The following EXOC4 variants were observed in gnomAD, a reference collection of about 807,000 sequenced individuals.
EXOC4 encodes SEC8-like 1.
EXOC4 carries 71 observed loss-of-function variants against 107.2 expected under a neutral mutation model. That is an observed-to-expected ratio of 0.66 (90% CI 0.55 to 0.81). The LOEUF (loss-of-function observed/expected upper bound fraction) is 0.81. EXOC4 is among the 30% of genes least tolerant of loss of function. EXOC4 has a pLI of 0.00. For missense variants in EXOC4, 1,108 were observed against 1,189.6 expected, an observed-to-expected ratio of 0.93 and a Z score of 1.01; for synonymous variants, 456 against 441.2, an observed-to-expected ratio of 1.03 and a Z score of -0.42.
chr7:133,641,148 A>C (rs369265850), intron 10 of EXOC4, among the ~76,000 whole-genome samples: 1 of 152,224 alleles, frequency 6.6e-6, no homozygotes, highest in African/African-American at 2.4e-5. Flanking sequence ...AGCCATGAGC[A>C]GGTATGGACC....
At chr7:133,843,438 G>T (rs1350070503) in intron 11 of EXOC4, among the ~76,000 whole-genome samples, 1 of 152,106 alleles carries the variant, frequency 6.6e-6, no homozygotes, top group Admixed American at 6.5e-5. Context: ...TATTGTGAAT[G>T]GAATTGCATT....
intron 4 of EXOC4, among the ~76,000 whole-genome samples, chr7:133,314,413 A>G (rs541969621): frequency 6.6e-6 from 1 of 152,282 alleles, no homozygotes; most frequent in South Asian, 2.1e-4. Context: ...GGAAAATTTT[A>G]GAGAGAGAGA....
chr7:133,907,341 T>G (rs1264319621), intron 12 of EXOC4, among the ~76,000 whole-genome samples: 2 of 151,380 alleles, frequency 1.3e-5, no homozygotes, highest in Non-Finnish European at 2.9e-5. Context: ...TAAAATATAT[T>G]ATTTCATTAG....
chr7:133,338,623 ATT>A (rs1164633127), intron 5 of EXOC4, among the ~76,000 whole-genome samples: 1,863 of 96,402 alleles, frequency 0.019, 30 homozygotes, highest in Middle Eastern at 0.035. Context: ...AAAAAAAAAA[ATT>A]TTTATTTCAT....
chr7:133,824,639 C>T (rs2151228677), intron 11 of EXOC4, among the ~76,000 whole-genome samples: 1 of 152,280 alleles, frequency 6.6e-6, no homozygotes, highest in Middle Eastern at 3.4e-3. Context: ...CACAAATGTA[C>T]TCTTGCATAG....
intron 15 of EXOC4, among the ~76,000 whole-genome samples, chr7:134,004,247 A>C (rs1563087851): frequency 6.6e-6 from 1 of 152,204 alleles, no homozygotes; most frequent in African/African-American, 2.4e-5. Context: ...GTTAATAAAT[A>C]TAAGACTAGT....
At chr7:133,447,432 T>C (rs1798245123) in intron 7 of EXOC4, 1 of 152,140 alleles carries the variant, frequency 6.6e-6, no homozygotes, top group Non-Finnish European at 1.5e-5. Context: ...GCATGCTTAT[T>C]ATAGAAAATT....
intron 10 of EXOC4, among the ~76,000 whole-genome samples, chr7:133,691,429 A>C (rs1794416446): frequency 6.6e-6 from 1 of 152,220 alleles, no homozygotes; most frequent in African/African-American, 2.4e-5. Flanking sequence ...CTTGAAGATA[A>C]TACTTTGTAA....
chr7:133,702,771 G>A (rs1244315118), intron 10 of EXOC4, among the ~76,000 whole-genome samples: 5 of 152,112 alleles, frequency 3.3e-5, no homozygotes, highest in Non-Finnish European at 7.3e-5. Flanking sequence ...AACAATTTTT[G>A]TCTTAGAAGT....
chr7:133,842,932 C>T (rs1798051755), intron 11 of EXOC4, among the ~76,000 whole-genome samples: 1 of 152,044 alleles, frequency 6.6e-6, no homozygotes, highest in Non-Finnish European at 1.5e-5. Context: ...CTTCATTGCT[C>T]ATTTTTGTGG....
At chr7:133,684,543 T>C (rs542044920) in intron 10 of EXOC4, among the ~76,000 whole-genome samples, 112 of 152,150 alleles carry the variant, frequency 7.4e-4, no homozygotes, top group Non-Finnish European at 1.2e-3. Flanking sequence ...GTGAAGAAAA[T>C]ATGTTAGAAA....
chr7:133,301,312 A>G (rs1462656376), intron 3 of EXOC4, among the ~76,000 whole-genome samples: 2 of 152,230 alleles, frequency 1.3e-5, no homozygotes, highest in African/African-American at 4.8e-5. Flanking sequence ...TTTATTGAAT[A>G]GTTGAGACTG....
intron 10 of EXOC4, among the ~76,000 whole-genome samples, chr7:133,685,391 G>A (rs888017395): frequency 1.3e-5 from 2 of 152,066 alleles, no homozygotes; most frequent in African/African-American, 4.8e-5. Flanking sequence ...AAGGTGCCTT[G>A]CTTCCCCGTC....
chr7:133,357,530 T>C (rs539049134), intron 6 of EXOC4, among the ~76,000 whole-genome samples: 1 of 152,142 alleles, frequency 6.6e-6, no homozygotes, highest in Non-Finnish European at 1.5e-5. Flanking sequence ...TGAATTCAGA[T>C]TCTAACTTTG....
At chr7:134,078,937 C>CT in the EXOC4 span, among the ~76,000 whole-genome samples, 1 of 152,198 alleles carries the variant, frequency 6.6e-6, no homozygotes, top group Non-Finnish European at 1.5e-5. Context: ...TGCTTACACA[C>CT]TGTTCCAGAC....
intron 14 of EXOC4, among the ~76,000 whole-genome samples, chr7:133,969,457 T>A (rs1198330309): frequency 2.0e-5 from 3 of 152,184 alleles, no homozygotes; most frequent in Non-Finnish European, 4.4e-5. Flanking sequence ...TGTGTGCTGG[T>A]TTTTCCTCAT....
In EXOC4 at chr7:133,800,403, A is replaced by T. The variant is rs563691513; in HGVS notation, c.1515-16922A>T. Among the ~76,000 whole-genome samples, 13 of 152,284 alleles carry T rather than the reference A, an allele frequency of 8.5e-5. No individual in the cohort carries two copies. The South Asian group carries it at 2.7e-3, about 32-fold the overall frequency. ...TAGAGAATTAGTTGACCAAAAATAA[A>T]GGGAGTCGTTCTATTTCTTAAGACC... is the stretch of plus-strand genomic sequence containing the variant. On this transcript the variant is annotated intron_variant, in intron 10 of 17. Transcript: ENST00000253861.
chr7:133,884,579 C>CTGTG (rs1491332445), intron 11 of EXOC4, among the ~76,000 whole-genome samples: 2 of 113,296 alleles, frequency 1.8e-5, no homozygotes, highest in African/African-American at 8.3e-5. Context: ...TTGCCCTATG[C>CTGTG]TCTGTGTGTG....
intron 14 of EXOC4, among the ~76,000 whole-genome samples, chr7:133,983,474 G>A (rs571747298): frequency 2.0e-5 from 3 of 152,202 alleles, no homozygotes; most frequent in Non-Finnish European, 2.9e-5. Context: ...TTCTATTTCC[G>A]CTTACTTGCT....
Sources: allele counts gnomAD v4.1 joint callset (sites outside exome capture counted in the v4.1 genomes callset), GRCh38; gene constraint gnomAD v4.1.1; transcripts MANE v1.5; gene names NCBI Gene and HGNC (gene_info 2026-07-23, HGNC 2026-07-21).